RAB28: variants seen among roughly 807,000 people sequenced by gnomAD.
RAB28 encodes the protein ras-related protein Rab-28.
RAB28 carries 24 observed loss-of-function variants against 31.7 expected under a neutral mutation model. The ratio of observed to expected loss-of-function variants is 0.76; its 90% CI spans 0.55 to 1.06. The LOEUF (loss-of-function observed/expected upper bound fraction) is 1.06, where lower values mean the gene tolerates loss of function less well. Ranked by LOEUF, RAB28 falls within the 50% of genes least tolerant of loss-of-function variation. The pLI, the probability that RAB28 is intolerant of heterozygous loss-of-function variation, is 0.00. For missense variants in RAB28, 254 were observed against 258.5 expected (o/e 0.98, Z 0.12); for synonymous variants, 100 against 90.4 (o/e 1.11, Z -0.60).
chr4:13,403,139 T>G (rs7678802), intron 4 of RAB28, among the ~76,000 whole-genome samples: 9,656 of 152,228 alleles, frequency 0.063, 729 homozygotes, highest in African/African-American at 0.18. Context: ...TTCTGCTTTT[T>G]TAGTGAAAAA....
intron 4 of RAB28, among the ~76,000 whole-genome samples, chr4:13,399,996 G>T (rs532566614): frequency 6.7e-4 from 102 of 152,236 alleles, no homozygotes; most frequent in African/African-American, 2.3e-3. Context: ...ATTCTGTAAA[G>T]TTGTGCCATT....
At chr4:13,484,027 C>G (rs982065978) in intron 1 of RAB28, 49 bp downstream of exon 1, 3 of 1,524,168 alleles carry the variant, frequency 2.0e-6, no homozygotes, top group African/African-American at 2.8e-5. Flanking sequence ...GGCCGGGGAC[C>G]GCCGGGGTTC....
intron 4 of RAB28, among the ~76,000 whole-genome samples, chr4:13,444,637 C>T (rs1290502913): frequency 6.6e-6 from 1 of 152,186 alleles, no homozygotes; most frequent in African/African-American, 2.4e-5. Flanking sequence ...ACAAGGGTTC[C>T]TTTTTCTTCA....
Position 13,442,829 on chromosome 4 carries a change from G to T in RAB28, c.391+17870C>A, listed in dbSNP as rs189802331. ...GTGCTATTATTAGTCCCACTTTACA[G>T]ATGACAAAACTAAGGTAAAAAGAGG... On this transcript the variant is annotated intron_variant, in intron 4 of 6. Coordinates refer to ENST00000330852, the MANE Select transcript of RAB28 (RefSeq NM_001017979.3). Among the ~76,000 whole-genome samples, 122 of 152,154 alleles carry T rather than the reference G, an allele frequency of 8.0e-4. 1 individual carries two copies. The highest frequency in any genetic ancestry group is 2.8e-3 in the African/African-American group (118 of 41,522).
chr4:13,459,751 C>A, intron 4 of RAB28: 2 of 1,072,932 alleles, frequency 1.9e-6, no homozygotes, highest in East Asian at 8.3e-5. Flanking sequence ...GAGACAGGAG[C>A]AAGAAACAAT....
At chr4:13,435,476 C>T (rs745373533) in intron 4 of RAB28, among the ~76,000 whole-genome samples, 1 of 151,902 alleles carries the variant, frequency 6.6e-6, no homozygotes. Flanking sequence ...GACTGATAGA[C>T]TGCCAGATAA....
At chr4:13,415,726 C>G (rs117797344) in intron 4 of RAB28, among the ~76,000 whole-genome samples, 4 of 152,162 alleles carry the variant, frequency 2.6e-5, no homozygotes, top group Admixed American at 1.3e-4. Context: ...CCCTGCTCTA[C>G]GGCGCCCGGT....
At chr4:13,459,363 T>C (rs1026358663) in intron 4 of RAB28, among the ~76,000 whole-genome samples, 1 of 152,192 alleles carries the variant, frequency 6.6e-6, no homozygotes, top group African/African-American at 2.4e-5. Flanking sequence ...CTTTCATATA[T>C]ACATCTATCC....
At chr4:13,439,995 A>C (rs1392858893) in intron 4 of RAB28, among the ~76,000 whole-genome samples, 1 of 152,214 alleles carries the variant, frequency 6.6e-6, no homozygotes, top group African/African-American at 2.4e-5. Flanking sequence ...ATTATTCATA[A>C]TACAGAACAC....
intron 4 of RAB28, among the ~76,000 whole-genome samples, chr4:13,400,047 C>T (rs1423346515): frequency 1.3e-5 from 2 of 152,126 alleles, no homozygotes; most frequent in African/African-American, 4.8e-5. Context: ...GATTTTTGTG[C>T]ATGGTAATAT....
At chr4:13,423,273 C>T (rs1577199876) in intron 4 of RAB28, among the ~76,000 whole-genome samples, 1 of 152,092 alleles carries the variant, frequency 6.6e-6, no homozygotes, top group Non-Finnish European at 1.5e-5. Context: ...CAGTGGCTCA[C>T]GGCTGTAATC....
At chr4:13,411,714 A>G (rs1712450804) in intron 4 of RAB28, among the ~76,000 whole-genome samples, 1 of 152,108 alleles carries the variant, frequency 6.6e-6, no homozygotes, top group Admixed American at 6.5e-5. Context: ...ATTGGAAAAT[A>G]AAGAATATAA....
intron 4 of RAB28, among the ~76,000 whole-genome samples, chr4:13,383,302 A>G (rs1729214825): frequency 6.6e-6 from 1 of 152,212 alleles, no homozygotes; most frequent in Admixed American, 6.5e-5. Flanking sequence ...AAATAAAAAT[A>G]AAAGTTGTGT....
intron 4 of RAB28, among the ~76,000 whole-genome samples, chr4:13,445,741 G>C (rs895765219): frequency 1.3e-5 from 2 of 151,666 alleles, no homozygotes; most frequent in Admixed American, 6.6e-5. Context: ...TCATCCCAGA[G>C]GGGCATTGAC....
chr4:13,478,364 A>G (rs1716459876), intron 2 of RAB28, among the ~76,000 whole-genome samples: 1 of 151,514 alleles, frequency 6.6e-6, no homozygotes. Flanking sequence ...CTCCTAATCT[A>G]TTTTTCACTG....
intron 5 of RAB28, among the ~76,000 whole-genome samples, chr4:13,381,102 A>C (rs1259603036): frequency 6.6e-6 from 1 of 152,034 alleles, no homozygotes; most frequent in Non-Finnish European, 1.5e-5. Flanking sequence ...CTCATCTATA[A>C]AATGGAGATA....
At chr4:13,370,562 G>A (rs1332494550) in intron 6 of RAB28, 1 of 941,702 alleles carries the variant, frequency 1.1e-6, no homozygotes, top group East Asian at 1.2e-4. Flanking sequence ...GGAACACAGA[G>A]GAAGGAGTAA....
chr4:13,470,787 A>G (rs573270989), intron 3 of RAB28, among the ~76,000 whole-genome samples: 27 of 152,224 alleles, frequency 1.8e-4, no homozygotes, highest in African/African-American at 6.3e-4. Flanking sequence ...TAACTGGGAC[A>G]TATTTCAATT....
intron 4 of RAB28, among the ~76,000 whole-genome samples, chr4:13,416,422 C>CG (rs1412427923): frequency 1.3e-5 from 2 of 152,142 alleles, no homozygotes; most frequent in Non-Finnish European, 2.9e-5. Context: ...TAACACTCAC[C>CG]GCGAGGGTCC....
Sources: gnomAD v4.1 joint callset for allele counts (sites outside exome capture counted in the v4.1 genomes callset) on GRCh38, gnomAD v4.1.1 for gene constraint, MANE v1.5 for transcripts, NCBI Gene and HGNC (gene_info 2026-07-23, HGNC 2026-07-21) for gene names.